TRPC4: variants seen among roughly 807,000 people sequenced by gnomAD.
The protein encoded by TRPC4 is short transient receptor potential channel 4.
Under a neutral mutation model 99.4 loss-of-function variants are expected in TRPC4, and 49 were observed. That is an observed-to-expected ratio of 0.49 (90% CI 0.39 to 0.63). The LOEUF is 0.63. Among genes scored for constraint, TRPC4 ranks in the 20% least tolerant of loss-of-function variants. TRPC4 has a pLI of 0.00. For missense variants in TRPC4, 898 were observed against 1,152.9 expected, an observed-to-expected ratio of 0.78 and a Z score of 3.20; for synonymous variants, 454 against 425.9, an observed-to-expected ratio of 1.07 and a Z score of -0.81.
intron 2 of TRPC4, among the ~76,000 whole-genome samples, chr13:37,747,452 A>G (rs1257882325): frequency 6.6e-6 from 1 of 152,176 alleles, no homozygotes; most frequent in Non-Finnish European, 1.5e-5. Flanking sequence ...TTGCTGGCAC[A>G]AAGCCATAGA....
rs151048423 is a variant in TRPC4 at position 37,840,674 on chromosome 13, T to C, written c.-28+28921A>G. ...TTAAAAAGATTAATAAATTCCTGTTTAATGTTCTAGTCTCATTTTAACAGC... is the reference window on the plus strand; with the variant it reads ...TTAAAAAGATTAATAAATTCCTGTTCAATGTTCTAGTCTCATTTTAACAGC... On this transcript the variant is annotated intron_variant, in intron 1 of 10. Coordinates refer to ENST00000379705, the MANE Select transcript of TRPC4 (RefSeq NM_016179.4). Among the ~76,000 whole-genome samples the C allele has an allele frequency of 7.1e-4, 108 of 152,160 alleles. 1 individual carries two copies. In the East Asian group the frequency reaches 0.02, roughly 28 times the overall value.
intron 2 of TRPC4, among the ~76,000 whole-genome samples, chr13:37,775,378 AT>A (rs1428842485): frequency 1.3e-5 from 2 of 148,466 alleles, no homozygotes; most frequent in Non-Finnish European, 1.5e-5. Flanking sequence ...TTTTGTTTAG[AT>A]TTTTTTGCTA....
chr13:37,815,021 C>G (rs917660603), intron 1 of TRPC4, among the ~76,000 whole-genome samples: 6 of 151,420 alleles, frequency 4.0e-5, no homozygotes, highest in Non-Finnish European at 5.9e-5. Flanking sequence ...GAAAATAAAC[C>G]CTTATGCTTA....
chr13:37,851,475 T>C (rs1434173482), intron 1 of TRPC4, among the ~76,000 whole-genome samples: 3 of 152,188 alleles, frequency 2.0e-5, no homozygotes, highest in African/African-American at 7.2e-5. Flanking sequence ...ATTTTAAAAA[T>C]TTTATGAGAC....
At chr13:37,782,872 T>A (rs116607051) in intron 2 of TRPC4, 84 bp downstream of exon 2, 99,430 of 1,187,738 alleles carry the variant, frequency 0.084, 4,664 homozygotes, top group Non-Finnish European at 0.091. Context: ...CATTTGAAAA[T>A]CTAAAAAAAA....
chr13:37,710,333 C>A (rs966989766), intron 3 of TRPC4, among the ~76,000 whole-genome samples: 1 of 151,744 alleles, frequency 6.6e-6, no homozygotes, highest in Non-Finnish European at 1.5e-5. Flanking sequence ...TGTTTTAATA[C>A]ACAGAGTTTG....
intron 5 of TRPC4, among the ~76,000 whole-genome samples, chr13:37,669,794 A>T (rs1043873605): frequency 6.6e-6 from 1 of 152,184 alleles, no homozygotes; most frequent in Non-Finnish European, 1.5e-5. Context: ...TCATAGTCAC[A>T]GCAATTCCAT....
chr13:37,677,553 A>C (rs1953101591), intron 4 of TRPC4, among the ~76,000 whole-genome samples: 1 of 152,170 alleles, frequency 6.6e-6, no homozygotes, highest in African/African-American at 2.4e-5. Context: ...CAATGTTACT[A>C]GGTATATAGA....
intron 2 of TRPC4, 63 bp from the exon 3 acceptor site, chr13:37,746,518 T>A (rs774680559): frequency 4.4e-5 from 66 of 1,509,646 alleles, no homozygotes; most frequent in Non-Finnish European, 5.6e-5. Context: ...GTGAATTTCA[T>A]ACACCATGCT....
intron 7 of TRPC4, among the ~76,000 whole-genome samples, chr13:37,652,076 G>A (rs1041285691): frequency 3.3e-5 from 5 of 152,220 alleles, no homozygotes; most frequent in Admixed American, 1.3e-4. Context: ...ATGGCCAGTG[G>A]TTGCCCACAA....
chr13:37,673,102 C>A (rs866232732), intron 5 of TRPC4, among the ~76,000 whole-genome samples: 44 of 120,514 alleles, frequency 3.7e-4, no homozygotes, highest in South Asian at 2.1e-3. Flanking sequence ...CCCCTCCCCC[C>A]ACCCCGCGAC....
At chr13:37,766,084 T>C (rs2139265565) in intron 2 of TRPC4, among the ~76,000 whole-genome samples, 1 of 151,590 alleles carries the variant, frequency 6.6e-6, no homozygotes, top group East Asian at 1.9e-4. Context: ...TTAAGTCCTA[T>C]GATTGAAGGT....
chr13:37,802,353 A>AT (rs1957427133), intron 1 of TRPC4, among the ~76,000 whole-genome samples: 1 of 152,102 alleles, frequency 6.6e-6, no homozygotes, highest in South Asian at 2.1e-4. Context: ...ACCACATTGC[A>AT]TTAGTCATCA....
intron 1 of TRPC4, among the ~76,000 whole-genome samples, chr13:37,868,188 T>C (rs1015040551): frequency 6.6e-6 from 1 of 152,064 alleles, no homozygotes; most frequent in Non-Finnish European, 1.5e-5. Flanking sequence ...ATAAATAATA[T>C]AACCATTACA....
intron 4 of TRPC4, among the ~76,000 whole-genome samples, chr13:37,675,772 C>T (rs567377234): frequency 6.6e-6 from 1 of 152,254 alleles, no homozygotes; most frequent in South Asian, 2.1e-4. Flanking sequence ...CCATCCCTAG[C>T]AGTCAGATAT....
chr13:37,788,351 T>C (rs1434888184), intron 1 of TRPC4, among the ~76,000 whole-genome samples: 1 of 152,174 alleles, frequency 6.6e-6, no homozygotes, highest in Admixed American at 6.6e-5. Context: ...TAGCTCAGAT[T>C]TTCTGTATTT....
intron 2 of TRPC4, among the ~76,000 whole-genome samples, chr13:37,766,207 C>T (rs1378278375): frequency 6.6e-6 from 1 of 151,296 alleles, no homozygotes; most frequent in Non-Finnish European, 1.5e-5. Context: ...GAATTGTTGA[C>T]AATACATTAC....
chr13:37,761,120 A>G (rs954534038), intron 2 of TRPC4, among the ~76,000 whole-genome samples: 1 of 151,978 alleles, frequency 6.6e-6, no homozygotes, highest in Admixed American at 6.6e-5. Flanking sequence ...CAATTAATTG[A>G]TGTTGTAAGT....
chr13:37,763,963 G>A (rs1175664315), intron 2 of TRPC4, among the ~76,000 whole-genome samples: 1 of 151,674 alleles, frequency 6.6e-6, no homozygotes, highest in East Asian at 1.9e-4. Context: ...GGTTAAGGAG[G>A]CCAGTGTAAT....
Sources: allele counts gnomAD v4.1 joint callset (sites outside exome capture counted in the v4.1 genomes callset), GRCh38; gene constraint gnomAD v4.1.1; transcripts MANE v1.5; gene names NCBI Gene and HGNC (gene_info 2026-07-23, HGNC 2026-07-21).